The following MRPL9 variants were observed in gnomAD, a reference collection of about 807,000 sequenced individuals.
MRPL9 encodes large ribosomal subunit protein bL9m.
MRPL9 carries 25 observed loss-of-function variants against 27.6 expected under a neutral mutation model. The observed-to-expected ratio is 0.91, with a 90% CI of 0.66 to 1.27. MRPL9 has a LOEUF of 1.27. Ranked by LOEUF, MRPL9 falls within the 50% of genes most tolerant of loss-of-function variation. The pLI is 0.00. For missense variants in MRPL9, 362 were observed against 338.0 expected (o/e 1.07, Z -0.56); for synonymous variants, 154 against 139.0 (o/e 1.11, Z -0.76).
At chr1:151,760,965 C>T in intron 5 of MRPL9, 66 bp from the exon 6 acceptor site, 7 of 1,382,030 alleles carry the variant, frequency 5.1e-6, no homozygotes, top group Non-Finnish European at 6.8e-6. Flanking sequence ...GACTGCCACT[C>T]TAGGGAACCT....
chr1:151,762,375 C>G lies in MRPL9; in HGVS notation c.435+1G>C, dbSNP rs1303247487. The G allele has an allele frequency of 2.5e-6, 4 of 1,613,926 alleles. No individual in the cohort carries two copies. Among genetic ancestry groups the G allele is most frequent in the Non-Finnish European group, 3.4e-6 (4 of 1,180,054 alleles). On this transcript the variant is annotated splice_donor_variant, in intron 3 of 6. Coordinates refer to ENST00000368830, the MANE Select transcript of MRPL9 (RefSeq NM_031420.4). LOFTEE classifies it high-confidence loss of function. ...TCTCTCTGTCCTTCCTTTGAGCTCA[C>G]CAATTTCTCCTCTTCAAACAGCTTC...
rs921095520 is a variant in MRPL9, at chr1:151,759,687, A to G, written c.*363T>C. 8 of 176,386 alleles carry G rather than the reference A, an allele frequency of 4.5e-5. No homozygotes were observed. Among genetic ancestry groups the G allele is most frequent in the Non-Finnish European group, 9.4e-5 (8 of 84,870 alleles). 10.9% of individuals were successfully genotyped at this position (176,386 alleles called of 1,614,324 possible). ...TCTCTTTATTTCTGCTTGGGATACA[A>G]ATGTTCAGTTTGGATGATGAGAATG... On this transcript the variant is annotated 3_prime_UTR_variant, in exon 7 of 7. Coordinates refer to ENST00000368830, the MANE Select transcript of MRPL9 (RefSeq NM_031420.4).
intron 5 of MRPL9, among the ~76,000 whole-genome samples, 182 bp from the exon 6 acceptor site, chr1:151,761,081 T>TAG (rs1162103407): frequency 6.6e-6 from 1 of 152,142 alleles, no homozygotes; most frequent in Non-Finnish European, 1.5e-5. Context: ...TAGACGGTAG[T>TAG]AGAGAAATTC....
intron 5 of MRPL9, 57 bp from the exon 6 acceptor site, chr1:151,760,956 A>G (rs1176984819): frequency 2.1e-6 from 3 of 1,451,264 alleles, no homozygotes. Flanking sequence ...TGTTTTCATG[A>G]CTGCCACTCT....
In MRPL9 at chr1:151,762,368, G is replaced by A. The variant is rs1366598739; in HGVS notation, c.435+8C>T. 1.2e-6 allele frequency: 2 copies of A among 1,613,950 alleles called. No individual in the cohort carries two copies. The highest frequency in any genetic ancestry group is 2.2e-5 in the South Asian group (2 of 90,956). On this transcript the variant is annotated splice_region_variant and intron_variant, in intron 3 of 6. Transcript: ENST00000368830. ...CCCCAAGTCTCTCTGTCCTTCCTTTGAGCTCACCAATTTCTCCTCTTCAAA... is the reference window on the plus strand; with the variant it reads ...CCCCAAGTCTCTCTGTCCTTCCTTTAAGCTCACCAATTTCTCCTCTTCAAA...
chr1:151,763,300 A>G, intron 1 of MRPL9, 27 bp downstream of exon 1: 1 of 1,585,946 alleles, frequency 6.3e-7, no homozygotes, highest in South Asian at 1.1e-5. Context: ...GAGCGTATCT[A>G]CCCCCTACCC....
Position 151,763,468 on chromosome 1 carries a change from G to A in MRPL9, c.12C>T (p.Pro4=). 4 of 1,575,050 alleles carry A rather than the reference G, an allele frequency of 2.5e-6. No homozygotes were observed. Among genetic ancestry groups the A allele is most frequent in the Non-Finnish European group, 3.4e-6 (4 of 1,161,080 alleles). Reference sequence around the variant, plus strand: ...GAGCTCTGCCCGGGGCCGTGACAACGGGCGCCGCCATGTTCACAGGCACAG... The same window carrying A: ...GAGCTCTGCCCGGGGCCGTGACAACAGGCGCCGCCATGTTCACAGGCACAG... MAA[P]VVTAPGRALL... is the part of the protein sequence containing the mutation. The change falls in exon 1 of 7, where the codon CCC becomes CCT. Residue 4 remains proline, a synonymous_variant. Transcript: ENST00000368830.
At chr1:151,760,682 G>A in intron 6 of MRPL9, 134 bp downstream of exon 6, 1 of 731,152 alleles carries the variant, frequency 1.4e-6, no homozygotes, top group East Asian at 2.9e-5. Flanking sequence ...GAGGTGGGAG[G>A]ATCGCTTGAA....
chr1:151,761,493 C>T lies in MRPL9; in HGVS notation c.546G>A (p.Trp182Ter). The T allele has an allele frequency of 6.2e-7, 1 of 1,614,046 alleles. No individual in the cohort carries two copies. Among genetic ancestry groups the T allele is most frequent in the Non-Finnish European group, 8.5e-7 (1 of 1,179,964 alleles). The change falls in exon 5 of 7, where the codon TGG becomes TGA. Residue 182 changes from tryptophan to a stop codon, truncating the protein, a stop_gained. Transcript: ENST00000368830. LOFTEE classifies it high-confidence loss of function. ...LEVGMKNNVK[W>*]ELNPEIVARH... ...GGGCAACTATTTCAGGGTTCAGCTCCCATTTGACATTGTTCTTCATCCCTA... is the reference window on the plus strand; with the variant it reads ...GGGCAACTATTTCAGGGTTCAGCTCTCATTTGACATTGTTCTTCATCCCTA...
At chr1:151,761,985 A>C in intron 4 of MRPL9, 120 bp downstream of exon 4, 1 of 1,000,568 alleles carries the variant, frequency 1.0e-6, no homozygotes, top group Non-Finnish European at 1.6e-6. Context: ...CAGCCACAAC[A>C]CTTCCCCTTT....
intron 5 of MRPL9, among the ~76,000 whole-genome samples, 182 bp from the exon 6 acceptor site, chr1:151,761,081 TAGAG>T (rs1162103407): frequency 6.6e-6 from 1 of 152,142 alleles, no homozygotes; most frequent in Non-Finnish European, 1.5e-5. Flanking sequence ...TAGACGGTAG[TAGAG>T]AAATTCAATT....
At chr1:151,760,985 G>T in intron 5 of MRPL9, 86 bp from the exon 6 acceptor site, 5 of 1,252,992 alleles carry the variant, frequency 4.0e-6, no homozygotes, top group Non-Finnish European at 4.3e-6. Flanking sequence ...TCATAAAGAG[G>T]GTTACAGGAT....
chr1:151,760,576 CAAAAA>C (rs11454049), intron 6 of MRPL9, among the ~76,000 whole-genome samples: 2 of 50,340 alleles, frequency 4.0e-5, no homozygotes, highest in African/African-American at 1.7e-4. Context: ...GACTCCAGCT[CAAAAA>C]AAAAAAAAAA....
rs1648222286 is a variant in MRPL9, at chr1:151,763,468, G to T, written c.12C>A (p.Pro4=). ...GAGCTCTGCCCGGGGCCGTGACAAC[G>T]GGCGCCGCCATGTTCACAGGCACAG... MAA[P]VVTAPGRALL... The change falls in exon 1 of 7, where the codon CCC becomes CCA. Residue 4 remains proline, a synonymous_variant. Transcript: ENST00000368830. The T allele has an allele frequency of 8.9e-6, 14 of 1,575,050 alleles. No homozygotes were observed. The highest frequency in any genetic ancestry group is 1.2e-5 in the Non-Finnish European group (14 of 1,161,082).
intron 4 of MRPL9, among the ~76,000 whole-genome samples, chr1:151,761,802 T>A (rs1340559783): frequency 6.6e-6 from 1 of 152,200 alleles, no homozygotes; most frequent in Non-Finnish European, 1.5e-5. Flanking sequence ...TATCTTCTCA[T>A]GTGTCCATGT....
chr1:151,760,056 C>A lies in MRPL9; in HGVS notation c.798G>T (p.Gln266His). 1 of 1,613,840 alleles carries A rather than the reference C, an allele frequency of 6.2e-7. No individual in the cohort carries two copies. Residue 266 changes from glutamine to histidine, a missense_variant, in exon 7 of 7, where the codon CAG becomes CAT. Coordinates refer to ENST00000368830, the MANE Select transcript of MRPL9 (RefSeq NM_031420.4). ...AAKAMAPTSP[Q>H]I ...CCTTGGAGGGAGAGTAGATTTAGAT[C>A]TGGGGGCTGGTGGGGGCCATAGCCT...
At chr1:151,762,082 A>T in intron 4 of MRPL9, 23 bp downstream of exon 4, 2 of 1,612,894 alleles carry the variant, frequency 1.2e-6, no homozygotes, top group Non-Finnish European at 1.7e-6. Flanking sequence ...TGACAAATAA[A>T]CACTTTTTAT....
At position 151,762,108 on chromosome 1, in the gene MRPL9, C is replaced by A; in HGVS notation, c.483G>T (p.Glu161Asp). The A allele has an allele frequency of 6.2e-7, 1 of 1,614,164 alleles. No homozygotes were observed. Among genetic ancestry groups the A allele is most frequent in the Non-Finnish European group, 8.5e-7 (1 of 1,179,998 alleles). ...KLEKIQTKAGEATVKFLKSCR... is the reference protein window; with the variant it reads ...KLEKIQTKAGDATVKFLKSCR... Reference sequence around the variant, plus strand: ...CACTTTTTATGTTTCTACTCACCGCCTCACCTGCCTTGGTCTGGATCTTCT... The same window carrying A: ...CACTTTTTATGTTTCTACTCACCGCATCACCTGCCTTGGTCTGGATCTTCT... The change falls in exon 4 of 7, where the codon GAG becomes GAT. Residue 161 changes from glutamate (E) to aspartate (D), a missense_variant. Physicochemically the swap from Glu to Asp is conservative, Grantham distance 45. Coordinates refer to ENST00000368830, the MANE Select transcript of MRPL9 (RefSeq NM_031420.4).
chr1:151,761,387 G>A (rs2101541180), intron 5 of MRPL9, 64 bp downstream of exon 5: 1 of 1,105,138 alleles, frequency 9.0e-7, no homozygotes, highest in African/African-American at 1.5e-5. Flanking sequence ...ATCAATCCCA[G>A]GCCTCCTTTC....
Sources: allele counts gnomAD v4.1 joint callset (sites outside exome capture counted in the v4.1 genomes callset), GRCh38; gene constraint gnomAD v4.1.1; transcripts MANE v1.5; gene names NCBI Gene and HGNC (gene_info 2026-07-23, HGNC 2026-07-21).